SYN2: variants seen among roughly 807,000 people sequenced by gnomAD.
The protein encoded by SYN2 is synapsin II, also known as synapsin-2.
Under a neutral mutation model 50.9 loss-of-function variants are expected in SYN2, and 19 were observed. The observed-to-expected ratio is 0.37, with a 90% CI of 0.26 to 0.55. The LOEUF (loss-of-function observed/expected upper bound fraction) is 0.55, where lower values mean the gene tolerates loss of function less well. Among genes scored for constraint, SYN2 ranks in the 20% least tolerant of loss-of-function variants. SYN2 has a pLI of 0.81. For synonymous variants in SYN2, 255 were observed against 224.9 expected, an observed-to-expected ratio of 1.13 and a Z score of -1.20; for missense variants, 587 against 576.4, an observed-to-expected ratio of 1.02 and a Z score of -0.19.
At chr3:12,161,941 G>A in intron 6 of SYN2, 71 bp from the exon 7 acceptor site, 1 of 1,586,002 alleles carries the variant, frequency 6.3e-7, no homozygotes, top group Non-Finnish European at 8.6e-7. Flanking sequence ...GAGGCTCAGG[G>A]CCCTTGTGAC....
chr3:12,060,495 C>G (rs1695091532), intron 1 of SYN2, among the ~76,000 whole-genome samples: 1 of 152,150 alleles, frequency 6.6e-6, no homozygotes, highest in South Asian at 2.1e-4. Flanking sequence ...GTGAAGGTGA[C>G]AGGCCCACTG....
intron 1 of SYN2, among the ~76,000 whole-genome samples, chr3:12,108,077 G>T (rs1696235741): frequency 6.6e-6 from 1 of 152,164 alleles, no homozygotes; most frequent in Admixed American, 6.5e-5. Flanking sequence ...GGGCATGGTG[G>T]CATGTGCCTG....
At chr3:12,080,513 G>A (rs973462405) in intron 1 of SYN2, among the ~76,000 whole-genome samples, 4 of 151,940 alleles carry the variant, frequency 2.6e-5, no homozygotes, top group Admixed American at 6.6e-5. Context: ...CTTTGTTCTC[G>A]TTGGCTTCAA....
chr3:12,169,710 TTA>T lies in SYN2; in HGVS notation c.1159-45_1159-44del, dbSNP rs754881191. The T allele has an allele frequency of 2.4e-5, 38 of 1,605,714 alleles. 3 individuals carry two copies. The South Asian group carries it at 3.9e-4, about 16-fold the overall frequency. On this transcript the variant is annotated intron_variant, in intron 9 of 12. Coordinates refer to ENST00000621198, the MANE Select transcript of SYN2 (RefSeq NM_133625.6). ...ATTCTGAAAGATTGTACCAGGCCATTTATGTTTCCAGACCCCTTTCCTCACCT... is the reference window on the plus strand; with the variant it reads ...ATTCTGAAAGATTGTACCAGGCCATTTGTTTCCAGACCCCTTTCCTCACCT...
At chr3:12,184,552 A>T (rs1166632543) in intron 11 of SYN2, 2 of 985,672 alleles carry the variant, frequency 2.0e-6, no homozygotes, top group Non-Finnish European at 2.4e-6. Flanking sequence ...CTTGAGGTTG[A>T]CTCCTGCTTC....
At chr3:12,124,142 A>G (rs1287537867) in intron 1 of SYN2, among the ~76,000 whole-genome samples, 1 of 152,218 alleles carries the variant, frequency 6.6e-6, no homozygotes, top group Non-Finnish European at 1.5e-5. Flanking sequence ...ATCAAAATTG[A>G]GCAAAAAATG....
chr3:12,049,412 G>T (rs1458096275), intron 1 of SYN2, among the ~76,000 whole-genome samples: 2 of 152,172 alleles, frequency 1.3e-5, no homozygotes, highest in African/African-American at 4.8e-5. Context: ...CAGCCACCTG[G>T]GAGGGCTGAG....
intron 1 of SYN2, among the ~76,000 whole-genome samples, chr3:12,098,111 A>G (rs982147937): frequency 1.3e-5 from 2 of 152,230 alleles, no homozygotes; most frequent in Admixed American, 1.3e-4. Flanking sequence ...AGCCAAACCC[A>G]AAGTCAGTCT....
At chr3:12,147,512 A>C (rs1218505559) in intron 4 of SYN2, among the ~76,000 whole-genome samples, 2 of 152,036 alleles carry the variant, frequency 1.3e-5, no homozygotes, top group Non-Finnish European at 2.9e-5. Flanking sequence ...ATCACAGAAG[A>C]GCATATGTGA....
intron 11 of SYN2, chr3:12,183,692 C>CAAA (rs1248697337): frequency 7.7e-7 from 1 of 1,291,634 alleles, no homozygotes; most frequent in Non-Finnish European, 9.8e-7. Flanking sequence ...CAACAGTATA[C>CAAA]AAAAGAATTG....
intron 4 of SYN2, among the ~76,000 whole-genome samples, chr3:12,147,491 G>T (rs1397042070): frequency 1.3e-5 from 2 of 152,112 alleles, no homozygotes; most frequent in East Asian, 3.9e-4. Flanking sequence ...TGTGATTTTA[G>T]TATGTTGCCA....
intron 1 of SYN2, among the ~76,000 whole-genome samples, chr3:12,035,405 C>G (rs1341730141): frequency 1.3e-5 from 2 of 152,174 alleles, no homozygotes; most frequent in Non-Finnish European, 2.9e-5. Context: ...AACTTGGGTC[C>G]ATCAACCTGG....
At chr3:12,012,794 T>C (rs1693943125) in intron 1 of SYN2, among the ~76,000 whole-genome samples, 1 of 152,206 alleles carries the variant, frequency 6.6e-6, no homozygotes, top group Admixed American at 6.5e-5. Context: ...CATCTCTCTT[T>C]TTCCTTCTGT....
chr3:12,105,889 T>G (rs1281477940), intron 1 of SYN2, among the ~76,000 whole-genome samples: 4 of 152,046 alleles, frequency 2.6e-5, no homozygotes, highest in Admixed American at 6.5e-5. Context: ...ACTCCTAGAG[T>G]GTAACACTGG....
rs1694827553 is a variant in SYN2, at chr3:12,050,335, G to C, written c.377+45407G>C. Reference sequence around the variant, plus strand: ...TTGACCCAGGAATGGCTCCAGTTTGGAATGATTTTTTTTTTTTTTTTTTTT... The same window carrying C: ...TTGACCCAGGAATGGCTCCAGTTTGCAATGATTTTTTTTTTTTTTTTTTTT... On this transcript the variant is annotated intron_variant, in intron 1 of 12. Transcript: ENST00000621198. Among the ~76,000 whole-genome samples the C allele has an allele frequency of 2.1e-5, 3 of 141,166 alleles. No homozygotes were observed. In the South Asian group the frequency reaches 6.8e-4, roughly 32 times the overall value. 92.6% of individuals were successfully genotyped at this position (141,166 alleles called of 152,430 possible).
chr3:12,074,349 A>G (rs1045951206), intron 1 of SYN2, among the ~76,000 whole-genome samples: 1 of 152,122 alleles, frequency 6.6e-6, no homozygotes, highest in East Asian at 1.9e-4. Context: ...TACTGTTTGT[A>G]TAATGCTCAC....
intron 1 of SYN2, among the ~76,000 whole-genome samples, chr3:12,060,858 G>A (rs1156709548): frequency 6.6e-6 from 1 of 152,250 alleles, no homozygotes; most frequent in South Asian, 2.1e-4. Flanking sequence ...ATGCTAAAGG[G>A]AATAAATAAC....
intron 1 of SYN2, among the ~76,000 whole-genome samples, chr3:12,114,908 A>C (rs913451236): frequency 6.6e-6 from 1 of 152,068 alleles, no homozygotes; most frequent in African/African-American, 2.4e-5. Flanking sequence ...TATTAACCAC[A>C]ACTCCTCTGT....
intron 3 of SYN2, among the ~76,000 whole-genome samples, chr3:12,142,241 C>G (rs308965): frequency 0.93 from 141,857 of 152,312 alleles, 66,138 homozygotes; most frequent in East Asian, 1. Flanking sequence ...CTCACTTAGA[C>G]ATAACTGGAT....
Sources: allele counts gnomAD v4.1 joint callset (sites outside exome capture counted in the v4.1 genomes callset), GRCh38; gene constraint gnomAD v4.1.1; transcripts MANE v1.5; gene names NCBI Gene and HGNC (gene_info 2026-07-23, HGNC 2026-07-21).